The following POLR3B variants were observed in gnomAD, a reference collection of about 807,000 sequenced individuals.
The protein encoded by POLR3B is RNA polymerase III subunit B.
Under a neutral mutation model 147.4 loss-of-function variants are expected in POLR3B, and 96 were observed. The ratio of observed to expected loss-of-function variants is 0.65; its 90% CI spans 0.55 to 0.77. The LOEUF (loss-of-function observed/expected upper bound fraction) is 0.77, where lower values mean the gene tolerates loss of function less well. POLR3B is among the 30% of genes least tolerant of loss of function. The pLI, the probability that POLR3B is intolerant of heterozygous loss-of-function variation, is 0.00. For missense variants in POLR3B, 1,036 were observed against 1,413.5 expected (o/e 0.73, Z 4.28); for synonymous variants, 461 against 485.9 (o/e 0.95, Z 0.67).
intron 11 of POLR3B, among the ~76,000 whole-genome samples, chr12:106,406,315 A>T (rs911331269): frequency 6.6e-6 from 1 of 152,196 alleles, no homozygotes; most frequent in African/African-American, 2.4e-5. Context: ...AAATAAATTA[A>T]AATAAGCTTA....
chr12:106,471,780 TCTCTA>T (rs1293493589), intron 23 of POLR3B, among the ~76,000 whole-genome samples: 1 of 152,144 alleles, frequency 6.6e-6, no homozygotes, highest in Non-Finnish European at 1.5e-5. Context: ...GGAGGTAGAT[TCTCTA>T]CTGTTGATGG....
chr12:106,454,615 C>G lies in POLR3B; in HGVS notation c.2197C>G (p.Leu733Val), dbSNP rs2137027953. The change falls in exon 20 of 28, where the codon CTG (leucine) becomes GTG (valine). Residue 733 changes from leucine to valine, a missense_variant. Physicochemically the swap from Leu to Val is conservative, Grantham distance 32 (BLOSUM62 1). This residue lies in a region of POLR3B where 202 missense variants were observed against 272.8 expected (regional missense o/e 0.74). Transcript: ENST00000228347. ...CATTGAATTGATAGAATTTGAGAAA[C>G]TGCCAGCTGGACAGAATGCAACAGT... ...KTIELIEFEK[L>V]PAGQNATVAV... The G allele has an allele frequency of 1.2e-6, 2 of 1,611,056 alleles. No homozygotes were observed. The highest frequency in any genetic ancestry group is 4.5e-5 in the East Asian group (2 of 44,840).
chr12:106,467,484 A>G (rs575237564), intron 23 of POLR3B, among the ~76,000 whole-genome samples: 32 of 152,206 alleles, frequency 2.1e-4, no homozygotes, highest in East Asian at 1.9e-4. Context: ...AACTTCCAAC[A>G]CTATGTTGAA....
At chr12:106,435,468 G>C (rs2037565248) in intron 16 of POLR3B, among the ~76,000 whole-genome samples, 1 of 151,482 alleles carries the variant, frequency 6.6e-6, no homozygotes, top group Non-Finnish European at 1.5e-5. Flanking sequence ...AATGCTTCCA[G>C]TAAACTTCAT....
intron 23 of POLR3B, among the ~76,000 whole-genome samples, chr12:106,479,822 T>G (rs543155350): frequency 8.6e-5 from 13 of 151,168 alleles, no homozygotes; most frequent in African/African-American, 3.2e-4. Flanking sequence ...TTCTTTTCTT[T>G]TCTTTTCACA....
At chr12:106,435,551 G>A (rs2037566192) in intron 16 of POLR3B, among the ~76,000 whole-genome samples, 1 of 152,160 alleles carries the variant, frequency 6.6e-6, no homozygotes, top group Admixed American at 6.5e-5. Flanking sequence ...ATATACCTGT[G>A]TTTGAATCCT....
rs1463671520 is a variant in POLR3B, at chr12:106,472,894, T to G, written c.2713+9274T>G. On this transcript the variant is annotated intron_variant, in intron 23 of 27. Transcript: ENST00000228347. ...GAGATCCCATTTGTCAATTTTGGCT[T>G]TTGTTGCCATTGCTTTTGGTGTTTT... Among the ~76,000 whole-genome samples the G allele has an allele frequency of 2.9e-4, 40 of 137,702 alleles. No individual in the cohort carries two copies. In the East Asian group the frequency reaches 6.5e-3, roughly 22 times the overall value. The allele number at this position is 137,702 out of a possible 152,430, so 90.3% of individuals were successfully genotyped here. A position where few individuals can be genotyped will look rare whatever the true frequency, so the allele number is the denominator to read the frequency against.
intron 4 of POLR3B, among the ~76,000 whole-genome samples, chr12:106,367,873 A>G (rs1184873437): frequency 1.3e-5 from 2 of 152,132 alleles, no homozygotes; most frequent in Non-Finnish European, 2.9e-5. Context: ...TACATTGATG[A>G]TTCTTACCTA....
Position 106,380,157 on chromosome 12 carries a change from T to G in POLR3B, c.723+18T>G, listed in dbSNP as rs781652845. On this transcript the variant is annotated intron_variant, in intron 9 of 27. Coordinates refer to ENST00000228347, the MANE Select transcript of POLR3B (RefSeq NM_018082.6). ...TATTTAAGGTAAAGCTGCAGCTCTC[T>G]TCTGAAAATTGTAAGAATTCTTTCT... 12 of 1,325,514 alleles carry G rather than the reference T, an allele frequency of 9.1e-6. No individual in the cohort carries two copies. The highest frequency in any genetic ancestry group is 1.3e-5 in the Non-Finnish European group (12 of 917,136). 82.1% of individuals were successfully genotyped at this position (1,325,514 alleles called of 1,614,324 possible).
rs267608686 is a variant in POLR3B at position 106,437,679 on chromosome 12, A to G, written c.1857-2A>G. On this transcript the variant is annotated splice_acceptor_variant, in intron 17 of 27. Coordinates refer to ENST00000228347, the MANE Select transcript of POLR3B (RefSeq NM_018082.6). LOFTEE classifies it high-confidence loss of function. ...ATGTCTCTTTCACCAATATTTTCCC[A>G]GGAATTTTGAAGATTTCTTACATGA... 6 of 1,548,076 alleles carry G rather than the reference A, an allele frequency of 3.9e-6. No individual in the cohort carries two copies. The highest frequency in any genetic ancestry group is 2.7e-5 in the African/African-American group (2 of 73,862).
At chr12:106,449,413 C>T (rs1425782658) in intron 19 of POLR3B, among the ~76,000 whole-genome samples, 3 of 152,114 alleles carry the variant, frequency 2.0e-5, no homozygotes, top group Non-Finnish European at 2.9e-5. Context: ...AGGTTAGGAG[C>T]ACCAACTCCT....
Position 106,448,427 on chromosome 12 carries a change from C to CTTTTTTTTTTTTTT in POLR3B, c.2083+3853_2083+3866dup, listed in dbSNP as rs869133588. Among the ~76,000 whole-genome samples, 19 of 50,616 alleles carry CTTTTTTTTTTTTTT rather than the reference C, an allele frequency of 3.8e-4. 2 individuals carry two copies. Among genetic ancestry groups the CTTTTTTTTTTTTTT allele is most frequent in the African/African-American group, 5.8e-4 (8 of 13,760 alleles). 33.2% of individuals were successfully genotyped at this position (50,616 alleles called of 152,430 possible). The stretch of plus-strand genomic sequence containing the variant: ...TCCAAATTCTTTACATACGTTATTT[C>CTTTTTTTTTTTTTT]TTTTTTTTTTTTTTTTTTTTTTTTT... On this transcript the variant is annotated intron_variant, in intron 19 of 27. Transcript: ENST00000228347.
intron 9 of POLR3B, among the ~76,000 whole-genome samples, chr12:106,392,139 A>G (rs1409393278): frequency 6.6e-6 from 1 of 152,108 alleles, no homozygotes; most frequent in Non-Finnish European, 1.5e-5. Flanking sequence ...GAAACCTCTT[A>G]AGTGTATTCC....
At chr12:106,384,975 T>C (rs2036815408) in intron 9 of POLR3B, among the ~76,000 whole-genome samples, 1 of 151,868 alleles carries the variant, frequency 6.6e-6, no homozygotes, top group Non-Finnish European at 1.5e-5. Flanking sequence ...TCAGGCGCCC[T>C]CCACCACGCC....
chr12:106,368,973 C>A (rs1029985968), intron 4 of POLR3B, among the ~76,000 whole-genome samples: 1 of 151,724 alleles, frequency 6.6e-6, no homozygotes, highest in Non-Finnish European at 1.5e-5. Context: ...GATAGCATAT[C>A]ATCAGTACTC....
chr12:106,384,615 G>A (rs992520748), intron 9 of POLR3B, among the ~76,000 whole-genome samples: 6 of 152,034 alleles, frequency 3.9e-5, no homozygotes, highest in Admixed American at 3.3e-4. Flanking sequence ...ATTTAGTGCC[G>A]TATTTTTTGT....
intron 23 of POLR3B, among the ~76,000 whole-genome samples, chr12:106,468,653 C>T (rs2038042982): frequency 6.6e-6 from 1 of 152,166 alleles, no homozygotes; most frequent in South Asian, 2.1e-4. Context: ...TCTATGTTCT[C>T]ATTGGTTTCA....
intron 6 of POLR3B, among the ~76,000 whole-genome samples, 190 bp downstream of exon 6, chr12:106,369,873 CT>C (rs1016923448): frequency 6.6e-6 from 1 of 152,026 alleles, no homozygotes; most frequent in African/African-American, 2.4e-5. Context: ...ATTGTGAAAC[CT>C]TTTCTAAGAA....
At chr12:106,450,125 A>G (rs565533912) in intron 19 of POLR3B, among the ~76,000 whole-genome samples, 13 of 152,306 alleles carry the variant, frequency 8.5e-5, no homozygotes, top group African/African-American at 3.1e-4. Flanking sequence ...GAATGTGTCA[A>G]AGCAATCCAG....
Sources: gnomAD v4.1 joint callset for allele counts (sites outside exome capture counted in the v4.1 genomes callset) on GRCh38, gnomAD v4.1.1 for gene constraint, gnomAD v4.1.1 regional missense constraint, MANE v1.5 for transcripts, NCBI Gene and HGNC (gene_info 2026-07-23, HGNC 2026-07-21) for gene names.